SUDS3: variants seen among roughly 807,000 people sequenced by gnomAD.
SUDS3 encodes sin3 histone deacetylase corepressor complex component SDS3.
In SUDS3, 23 loss-of-function variants were observed where a neutral mutation model predicts 53.5. The ratio of observed to expected loss-of-function variants is 0.43; its 90% confidence interval spans 0.31 to 0.61. The LOEUF (loss-of-function observed/expected upper bound fraction) is 0.61. Ranked by LOEUF, SUDS3 falls within the 20% of genes least tolerant of loss-of-function variation. SUDS3 has a pLI of 0.10. For missense variants in SUDS3, 291 were observed against 405.9 expected (o/e 0.72, Z 2.43); for synonymous variants, 150 against 148.5 (o/e 1.01, Z -0.08).
intron 2 of SUDS3, among the ~76,000 whole-genome samples, chr12:118,382,358 GAGACAGTAGCCACTT>G (rs1566196239): frequency 1.1e-4 from 9 of 79,082 alleles, no homozygotes; most frequent in African/African-American, 3.0e-4. Context: ...ACTTTTTTTT[GAGACAGTAGCCACTT>G]TTTTTTGAGA....
intron 11 of SUDS3, among the ~76,000 whole-genome samples, chr12:118,413,213 A>G (rs537562359): frequency 9.2e-5 from 14 of 152,252 alleles, no homozygotes; most frequent in Admixed American, 1.3e-4. Flanking sequence ...ATGAAACAGA[A>G]TAAGCTTTTT....
At chr12:118,409,513 A>G (rs1180972533) in intron 10 of SUDS3, among the ~76,000 whole-genome samples, 2 of 151,884 alleles carry the variant, frequency 1.3e-5, no homozygotes, top group East Asian at 3.8e-4. Flanking sequence ...TTTTCAGTTC[A>G]TAAGTAGCAG....
At chr12:118,377,627 C>G (rs139848544) in intron 1 of SUDS3, among the ~76,000 whole-genome samples, 1 of 151,866 alleles carries the variant, frequency 6.6e-6, no homozygotes, top group African/African-American at 2.4e-5. Flanking sequence ...GTCTCAGAGC[C>G]TTGCTTTTCA....
intron 6 of SUDS3, among the ~76,000 whole-genome samples, chr12:118,397,469 C>T (rs1232996110): frequency 1.3e-5 from 2 of 152,124 alleles, no homozygotes; most frequent in East Asian, 3.9e-4. Flanking sequence ...ACCAACCTGG[C>T]GTTGGAGCAA....
At chr12:118,408,217 A>G (rs140915306) in intron 10 of SUDS3, among the ~76,000 whole-genome samples, 1,642 of 151,804 alleles carry the variant, frequency 0.011, 60 homozygotes, top group East Asian at 0.068. Flanking sequence ...GTATTTTAGT[A>G]GAGACGGGGT....
In SUDS3 at chr12:118,395,216, G is replaced by GTTTT. The variant is rs71772462; in HGVS notation, c.517+3958_517+3961dup. 1.7e-4 allele frequency among the ~76,000 whole-genome samples: 14 copies of GTTTT among 80,128 alleles called. 1 individual carries two copies. Among genetic ancestry groups the GTTTT allele is most frequent in the African/African-American group, 5.6e-4 (11 of 19,604 alleles). 52.6% of individuals were successfully genotyped at this position (80,128 alleles called of 152,430 possible). ...CTGGTGCTGGCATTGTGGAATCAGG[G>GTTTT]TTTTTTTTTTTTTTTTTTTTTTTTT... is the stretch of plus-strand genomic sequence containing the variant. On this transcript the variant is annotated intron_variant, in intron 6 of 11. Transcript: ENST00000543473.
intron 6 of SUDS3, among the ~76,000 whole-genome samples, chr12:118,392,244 C>A (rs1320206715): frequency 6.6e-6 from 1 of 152,166 alleles, no homozygotes; most frequent in Non-Finnish European, 1.5e-5. Flanking sequence ...GTAGGAAATG[C>A]ATGCAGTGTT....
Position 118,376,717 on chromosome 12 carries a change from C to G in SUDS3, c.26C>G (p.Pro9Arg). The change falls in exon 1 of 12, where the codon CCG becomes CGG. Residue 9 changes from proline to arginine, a missense_variant. By Grantham distance (103) the Pro-to-Arg change is moderately radical. Transcript: ENST00000543473. ...ATGAGTGCCGCGGGGCTGCTGGCCC[C>G]GGCCCCGGCCCAGGCTGGAGCGCCG... Reference protein sequence around the residue: MSAAGLLAPAPAQAGAPPA... With the variant: MSAAGLLARAPAQAGAPPA... 6.6e-7 allele frequency: 1 copy of G among 1,520,756 alleles called. No individual in the cohort carries two copies. 94.2% of individuals were successfully genotyped at this position (1,520,756 alleles called of 1,614,324 possible).
intron 10 of SUDS3, among the ~76,000 whole-genome samples, chr12:118,410,426 C>T (rs2046347464): frequency 6.6e-6 from 1 of 151,556 alleles, no homozygotes; most frequent in African/African-American, 2.4e-5. Context: ...TCATATAGTC[C>T]AAAAAAAGGG....
At chr12:118,408,935 G>T (rs1245418524) in intron 10 of SUDS3, among the ~76,000 whole-genome samples, 1 of 151,950 alleles carries the variant, frequency 6.6e-6, no homozygotes, top group African/African-American at 2.4e-5. Flanking sequence ...GTTTACATAG[G>T]AGAGCTGGCT....
At chr12:118,403,868 G>T (rs1256173466) in intron 10 of SUDS3, among the ~76,000 whole-genome samples, 7 of 152,110 alleles carry the variant, frequency 4.6e-5, no homozygotes, top group Non-Finnish European at 5.9e-5. Flanking sequence ...AAGGTTAATA[G>T]GTGCTCTTCG....
At chr12:118,410,665 C>T (rs1053537856) in intron 10 of SUDS3, among the ~76,000 whole-genome samples, 7 of 151,736 alleles carry the variant, frequency 4.6e-5, no homozygotes, top group African/African-American at 9.7e-5. Flanking sequence ...GGCGCCATCT[C>T]GGCTCACTGC....
At chr12:118,385,396 A>T (rs1306377318) in intron 3 of SUDS3, among the ~76,000 whole-genome samples, 2 of 152,212 alleles carry the variant, frequency 1.3e-5, no homozygotes, top group African/African-American at 4.8e-5. Context: ...GGCATGAGCC[A>T]CCATGCCCAG....
intron 1 of SUDS3, among the ~76,000 whole-genome samples, chr12:118,378,739 G>A (rs2046026459): frequency 2.0e-5 from 3 of 151,974 alleles, no homozygotes; most frequent in Admixed American, 1.3e-4. Flanking sequence ...GCAATGGCGC[G>A]ATCTCGGCTC....
intron 6 of SUDS3, among the ~76,000 whole-genome samples, chr12:118,393,671 T>TA (rs996544247): frequency 2.0e-5 from 3 of 151,788 alleles, no homozygotes; most frequent in South Asian, 2.1e-4. Flanking sequence ...TTTTTTTTTT[T>TA]AAATTTAATT....
At chr12:118,400,933 C>T (rs1470724328) in intron 7 of SUDS3, among the ~76,000 whole-genome samples, 179 bp downstream of exon 7, 1 of 152,106 alleles carries the variant, frequency 6.6e-6, no homozygotes, top group African/African-American at 2.4e-5. Flanking sequence ...TCATGGTAGT[C>T]CTCATTTGCT....
rs1373605823 is a variant in SUDS3 at position 118,408,704 on chromosome 12, T to TTA, written c.804-2369_804-2368insTA. 9.9e-5 allele frequency among the ~76,000 whole-genome samples: 15 copies of TTA among 152,084 alleles called. No individual in the cohort carries two copies. The South Asian group carries it at 2.1e-3, about 21-fold the overall frequency. On this transcript the variant is annotated intron_variant, in intron 10 of 11. Transcript: ENST00000543473. ...TAGTTTTTTTTGGTTTTTTTTTTTT[T>TTA]ACCTACCAGTATATGGAGCATGTTT...
Position 118,376,808 on chromosome 12 carries a change from C to A in SUDS3, c.117C>A (p.Ser39Arg). ...ELESAEDDER[S>R]CRGRESDEDT... is the part of the protein sequence containing the mutation. Reference sequence around the variant, plus strand: ...AGAGCGCCGAGGACGACGAGCGCAGCTGTCGGGGCCGCGAGTCGGACGAAG... The same window carrying A: ...AGAGCGCCGAGGACGACGAGCGCAGATGTCGGGGCCGCGAGTCGGACGAAG... The change falls in exon 1 of 12, where the codon AGC becomes AGA. Residue 39 changes from serine (S) to arginine (R), a missense_variant. Ser to Arg is a moderately radical substitution (Grantham distance 110). This residue lies in a region of SUDS3 where 149 missense variants were observed against 146.5 expected (regional missense o/e 1.02). Transcript: ENST00000543473. 1 of 1,547,674 alleles carries A rather than the reference C, an allele frequency of 6.5e-7. No individual in the cohort carries two copies. The highest frequency in any genetic ancestry group is 8.7e-7 in the Non-Finnish European group (1 of 1,153,204).
At chr12:118,393,958 A>C (rs1251406278) in intron 6 of SUDS3, among the ~76,000 whole-genome samples, 3 of 151,766 alleles carry the variant, frequency 2.0e-5, no homozygotes, top group African/African-American at 4.8e-5. Context: ...GGTGTGAGCC[A>C]CCGTGCCCCG....
Sources: allele counts gnomAD v4.1 joint callset (sites outside exome capture counted in the v4.1 genomes callset), GRCh38; gene constraint gnomAD v4.1.1; regional missense constraint gnomAD v4.1.1; transcripts MANE v1.5; gene names NCBI Gene and HGNC (gene_info 2026-07-23, HGNC 2026-07-21).